The following LRRC4C variants were observed in gnomAD, a reference collection of about 807,000 sequenced individuals.
LRRC4C encodes the protein leucine-rich repeat-containing protein 4C.
Under a neutral mutation model 33.6 loss-of-function variants are expected in LRRC4C, and 5 were observed. The observed-to-expected ratio is 0.15, with a 90% CI of 0.08 to 0.31. LRRC4C has a LOEUF of 0.31. Ranked by LOEUF, LRRC4C falls within the 10% of genes least tolerant of loss-of-function variation. The pLI, the probability that LRRC4C is intolerant of heterozygous loss-of-function variation, is 1.00. For missense variants in LRRC4C, 560 were observed against 796.7 expected, an observed-to-expected ratio of 0.70 and a Z score of 3.58; for synonymous variants, 329 against 302.0, an observed-to-expected ratio of 1.09 and a Z score of -0.93.
chr11:40,281,086 A>G (rs1001990255), intron 4 of LRRC4C, among the ~76,000 whole-genome samples: 4 of 152,146 alleles, frequency 2.6e-5, no homozygotes, highest in Non-Finnish European at 4.4e-5. Context: ...AGAGAGGGAA[A>G]GGCTGCTTGC....
At chr11:40,608,913 C>A (rs1960911257) in intron 3 of LRRC4C, among the ~76,000 whole-genome samples, 1 of 152,024 alleles carries the variant, frequency 6.6e-6, no homozygotes, top group Admixed American at 6.6e-5. Flanking sequence ...CATCAACACT[C>A]CGAAATATAT....
At chr11:40,759,539 TA>T (rs1949101797) in intron 2 of LRRC4C, among the ~76,000 whole-genome samples, 1 of 151,942 alleles carries the variant, frequency 6.6e-6, no homozygotes, top group African/African-American at 2.4e-5. Flanking sequence ...GGTGCAAAAG[TA>T]ATTGCGGTTT....
At chr11:40,352,257 G>T (rs949831096) in intron 3 of LRRC4C, among the ~76,000 whole-genome samples, 6 of 145,396 alleles carry the variant, frequency 4.1e-5, no homozygotes, top group Non-Finnish European at 9.1e-5. Context: ...TGGATCTGTT[G>T]TAGGTTTTTT....
intron 2 of LRRC4C, among the ~76,000 whole-genome samples, chr11:40,897,702 T>G (rs1565180497): frequency 1.3e-5 from 2 of 152,236 alleles, no homozygotes; most frequent in Non-Finnish European, 1.5e-5. Flanking sequence ...AATATACAGC[T>G]ATTACTGCTG....
chr11:40,857,195 A>G (rs1953831526), intron 2 of LRRC4C, among the ~76,000 whole-genome samples: 1 of 152,162 alleles, frequency 6.6e-6, no homozygotes, highest in African/African-American at 2.4e-5. Flanking sequence ...GACCACACAC[A>G]TTTTTTAAAA....
At position 40,129,560 on chromosome 11, in the gene LRRC4C, T is replaced by C. The variant is rs187195617; in HGVS notation, c.-43+11241A>G. Reference sequence around the variant, plus strand: ...TTTTCATGATTTGCTTCTTCCCACCTACATGTACTCCAGAACTAGGGAGGA... The same window carrying C: ...TTTTCATGATTTGCTTCTTCCCACCCACATGTACTCCAGAACTAGGGAGGA... On this transcript the variant is annotated intron_variant, in intron 6 of 6. Coordinates refer to ENST00000528697, the MANE Select transcript of LRRC4C (RefSeq NM_001258419.2). Among the ~76,000 whole-genome samples, 51 of 152,278 alleles carry C rather than the reference T, an allele frequency of 3.3e-4. 1 individual carries two copies. The highest frequency in any genetic ancestry group is 1.2e-3 in the African/African-American group (49 of 41,548).
chr11:41,268,062 C>T (rs1206302913), intron 1 of LRRC4C, among the ~76,000 whole-genome samples: 1 of 152,018 alleles, frequency 6.6e-6, no homozygotes, highest in Non-Finnish European at 1.5e-5. Flanking sequence ...ATGCTGTATA[C>T]CAATGCATAT....
chr11:40,397,152 C>A (rs1206155341), intron 3 of LRRC4C, among the ~76,000 whole-genome samples: 1 of 152,026 alleles, frequency 6.6e-6, no homozygotes, highest in Non-Finnish European at 1.5e-5. Flanking sequence ...TTTAAATGAT[C>A]AGGTGTGAAA....
chr11:40,245,062 T>C (rs923876102), intron 4 of LRRC4C, among the ~76,000 whole-genome samples: 1 of 152,190 alleles, frequency 6.6e-6, no homozygotes, highest in Non-Finnish European at 1.5e-5. Context: ...GTGACCTCTG[T>C]TGTAAAAATC....
At position 40,299,279 on chromosome 11, in the gene LRRC4C, T is replaced by G. The variant is rs147799224; in HGVS notation, c.-176+20349A>C. ...TCACCTTTACTTTCCTGATAGCACCTGTTGATGCTGTCTCAGGAATGGCTC... is the reference window on the plus strand; with the variant it reads ...TCACCTTTACTTTCCTGATAGCACCGGTTGATGCTGTCTCAGGAATGGCTC... On this transcript the variant is annotated intron_variant, in intron 4 of 6. Coordinates refer to ENST00000528697, the MANE Select transcript of LRRC4C (RefSeq NM_001258419.2). Among the ~76,000 whole-genome samples the G allele has an allele frequency of 6.4e-4, 98 of 152,324 alleles. 1 individual carries two copies. The highest frequency in any genetic ancestry group is 2.3e-3 in the African/African-American group (94 of 41,582).
chr11:41,307,133 G>C (rs1950526720), intron 1 of LRRC4C, among the ~76,000 whole-genome samples: 2 of 152,120 alleles, frequency 1.3e-5, no homozygotes, highest in Admixed American at 1.3e-4. Context: ...ATACGGCTTG[G>C]GGGAGAGACT....
At chr11:41,342,695 A>G (rs1377319597) in intron 1 of LRRC4C, among the ~76,000 whole-genome samples, 1 of 152,208 alleles carries the variant, frequency 6.6e-6, no homozygotes, top group Non-Finnish European at 1.5e-5. Context: ...AGCCTGGGCA[A>G]CAGAGCGAGA....
intron 1 of LRRC4C, among the ~76,000 whole-genome samples, chr11:41,362,422 G>A (rs1952386995): frequency 6.6e-6 from 1 of 152,082 alleles, no homozygotes; most frequent in Non-Finnish European, 1.5e-5. Context: ...TCAGCACCAT[G>A]GATTTTGATG....
chr11:41,141,195 C>T (rs1943488794), intron 1 of LRRC4C, among the ~76,000 whole-genome samples: 1 of 151,958 alleles, frequency 6.6e-6, no homozygotes. Context: ...TTCCTAGAAC[C>T]AGGTTTTTAA....
At chr11:40,692,022 A>G (rs1945241084) in intron 2 of LRRC4C, among the ~76,000 whole-genome samples, 1 of 152,072 alleles carries the variant, frequency 6.6e-6, no homozygotes. Flanking sequence ...TTTCTTTCAG[A>G]AAATAGACAC....
intron 1 of LRRC4C, among the ~76,000 whole-genome samples, chr11:41,423,394 A>T (rs1431241747): frequency 6.6e-6 from 1 of 152,104 alleles, no homozygotes; most frequent in Non-Finnish European, 1.5e-5. Context: ...CTTGATCCTT[A>T]ACCTTTTCCT....
intron 3 of LRRC4C, among the ~76,000 whole-genome samples, chr11:40,485,084 T>C (rs570395252): frequency 6.6e-6 from 1 of 152,188 alleles, no homozygotes; most frequent in South Asian, 2.1e-4. Context: ...GAATTTTTAC[T>C]GTGTCTGATA....
intron 3 of LRRC4C, among the ~76,000 whole-genome samples, chr11:40,353,169 C>T (rs1947494362): frequency 6.6e-6 from 1 of 151,996 alleles, no homozygotes; most frequent in South Asian, 2.1e-4. Flanking sequence ...ACTTTCTACC[C>T]CAGTCTTTCT....
chr11:41,199,348 C>A (rs1315973088), intron 1 of LRRC4C, among the ~76,000 whole-genome samples: 1 of 151,994 alleles, frequency 6.6e-6, no homozygotes, highest in African/African-American at 2.4e-5. Context: ...CTACAATATT[C>A]AAAAACGGGG....
Sources: gnomAD v4.1 joint callset for allele counts (sites outside exome capture counted in the v4.1 genomes callset) on GRCh38, gnomAD v4.1.1 for gene constraint, MANE v1.5 for transcripts, NCBI Gene and HGNC (gene_info 2026-07-23, HGNC 2026-07-21) for gene names.